Variants in EYS observed in about 807,000 individuals in gnomAD.
EYS encodes protein eyes shut homolog.
EYS carries 250 observed loss-of-function variants against 282.1 expected under a neutral mutation model. That is an observed-to-expected ratio of 0.89 (90% CI 0.80 to 0.98). The LOEUF (loss-of-function observed/expected upper bound fraction) is 0.98. EYS is among the 50% of genes least tolerant of loss of function. The pLI is 0.00. For missense variants in EYS, 4,016 were observed against 3,709.0 expected, an observed-to-expected ratio of 1.08 and a Z score of -2.15; for synonymous variants, 1,355 against 1,282.9, an observed-to-expected ratio of 1.06 and a Z score of -1.20.
chr6:65,181,388 A>T (rs1387504221), intron 12 of EYS, among the ~76,000 whole-genome samples: 1 of 151,978 alleles, frequency 6.6e-6, no homozygotes, highest in African/African-American at 2.4e-5. Flanking sequence ...CTATCAAAAA[A>T]TGGGTGAAGG....
intron 1 of EYS, among the ~76,000 whole-genome samples, chr6:65,682,490 T>C (rs761512603): frequency 2.0e-5 from 3 of 151,906 alleles, no homozygotes; most frequent in Non-Finnish European, 1.5e-5. Context: ...TCATTTGGTA[T>C]ATTATAATTT....
At chr6:64,524,993 T>C (rs1445718214) in intron 26 of EYS, among the ~76,000 whole-genome samples, 1 of 151,758 alleles carries the variant, frequency 6.6e-6, no homozygotes, top group African/African-American at 2.4e-5. Flanking sequence ...CTCACAGCAG[T>C]CAGAATGCTA....
intron 26 of EYS, among the ~76,000 whole-genome samples, chr6:64,451,224 T>C (rs951813190): frequency 6.6e-6 from 1 of 152,120 alleles, no homozygotes; most frequent in Non-Finnish European, 1.5e-5. Flanking sequence ...GAGAATACTA[T>C]AAACACCTCT....
intron 26 of EYS, among the ~76,000 whole-genome samples, chr6:64,459,651 T>C (rs997963776): frequency 6.6e-6 from 1 of 151,970 alleles, no homozygotes; most frequent in Non-Finnish European, 1.5e-5. Flanking sequence ...AAGAGCTGAG[T>C]CTGATGTTTG....
chr6:65,154,244 G>A (rs535056657), intron 12 of EYS, among the ~76,000 whole-genome samples: 46 of 151,646 alleles, frequency 3.0e-4, no homozygotes, highest in Admixed American at 1.5e-3. Flanking sequence ...GAAAATTCAC[G>A]TAGGTACAGG....
intron 33 of EYS, among the ~76,000 whole-genome samples, chr6:64,030,246 G>C (rs1769755290): frequency 6.6e-6 from 1 of 152,120 alleles, no homozygotes. Context: ...AGACAAAGAA[G>C]AAGTCGAAGG....
chr6:63,822,816 GT>G (rs373679925), intron 36 of EYS, among the ~76,000 whole-genome samples: 2 of 152,158 alleles, frequency 1.3e-5, no homozygotes, highest in African/African-American at 4.8e-5. Context: ...TCCTTGTCAA[GT>G]TCTGATTTTA....
intron 26 of EYS, among the ~76,000 whole-genome samples, chr6:64,476,533 A>T (rs1743615282): frequency 6.6e-6 from 1 of 151,946 alleles, no homozygotes; most frequent in South Asian, 2.1e-4. Context: ...AATATAGAAA[A>T]TATTTTTTTT....
At chr6:64,095,762 T>C (rs1205894688) in intron 31 of EYS, among the ~76,000 whole-genome samples, 2 of 152,168 alleles carry the variant, frequency 1.3e-5, no homozygotes. Context: ...ACATTTAAGG[T>C]TAATATTGTT....
chr6:64,653,571 T>C (rs1768640297), intron 22 of EYS, among the ~76,000 whole-genome samples: 1 of 152,094 alleles, frequency 6.6e-6, no homozygotes, highest in Non-Finnish European at 1.5e-5. Flanking sequence ...TTTAATTGTC[T>C]TTCTTTTCAT....
intron 40 of EYS, among the ~76,000 whole-genome samples, chr6:63,763,870 T>TTTTATATA (rs1185179091): frequency 1.5e-5 from 2 of 129,664 alleles, no homozygotes; most frequent in Non-Finnish European, 3.3e-5. Flanking sequence ...TTATATCTTG[T>TTTTATATA]TATATATATA....
chr6:64,329,227 T>C (rs1333771023), intron 29 of EYS, among the ~76,000 whole-genome samples: 1 of 152,164 alleles, frequency 6.6e-6, no homozygotes, highest in African/African-American at 2.4e-5. Flanking sequence ...GTCAATATAA[T>C]TGGAGCTACA....
chr6:63,898,949 G>T (rs1259080399), intron 35 of EYS, among the ~76,000 whole-genome samples: 1 of 152,152 alleles, frequency 6.6e-6, no homozygotes, highest in Non-Finnish European at 1.5e-5. Context: ...GAATAAACAT[G>T]CAGTCACAAC....
intron 22 of EYS, among the ~76,000 whole-genome samples, chr6:64,780,479 T>A (rs1583150096): frequency 6.6e-6 from 1 of 152,048 alleles, no homozygotes; most frequent in East Asian, 1.9e-4. Context: ...ACACATGGAC[T>A]TAAAGATGGG....
intron 31 of EYS, among the ~76,000 whole-genome samples, chr6:64,214,421 G>C (rs114358921): frequency 0.027 from 4,131 of 152,180 alleles, 59 homozygotes; most frequent in African/African-American, 0.043. Context: ...CATTGTTACT[G>C]AAAAGTTTAA....
At chr6:65,122,692 A>G (rs1775596492) in intron 12 of EYS, among the ~76,000 whole-genome samples, 1 of 152,136 alleles carries the variant, frequency 6.6e-6, no homozygotes, top group South Asian at 2.1e-4. Context: ...TATTGAAGTT[A>G]TAAAAAGTGA....
rs144087800 is a variant in EYS at position 64,979,356 on chromosome 6, T to C, written c.2259+18226A>G. Among the ~76,000 whole-genome samples, 309 of 151,898 alleles carry C rather than the reference T, an allele frequency of 2.0e-3. 1 individual carries two copies. Among genetic ancestry groups the C allele is most frequent in the African/African-American group, 6.7e-3 (277 of 41,508 alleles). Reference sequence around the variant, plus strand: ...TGTTAGTGTACTAGCTAATTAATTATATTATTAGTTAGTGGCATAAATCTC... The same window carrying C: ...TGTTAGTGTACTAGCTAATTAATTACATTATTAGTTAGTGGCATAAATCTC... On this transcript the variant is annotated intron_variant, in intron 14 of 42. Transcript: ENST00000503581.
chr6:63,727,737 A>AAAATATATATATATATATAT (rs1554164607), intron 41 of EYS, among the ~76,000 whole-genome samples: 6 of 36,708 alleles, frequency 1.6e-4, no homozygotes, highest in East Asian at 1.6e-3. Flanking sequence ...AAAAAAAAAA[A>AAAATATATATATATATATAT]ATATATATAT....
intron 22 of EYS, among the ~76,000 whole-genome samples, chr6:64,726,010 A>T (rs2149947611): frequency 6.6e-6 from 1 of 152,264 alleles, no homozygotes; most frequent in East Asian, 1.9e-4. Context: ...ATGAACACTT[A>T]ATGTTACAGG....
Sources: allele counts gnomAD v4.1 joint callset (sites outside exome capture counted in the v4.1 genomes callset), GRCh38; gene constraint gnomAD v4.1.1; transcripts MANE v1.5; gene names NCBI Gene and HGNC (gene_info 2026-07-23, HGNC 2026-07-21).